The following TBCD variants were observed in gnomAD, a reference collection of about 807,000 sequenced individuals.
TBCD encodes the protein tubulin-specific chaperone D.
A neutral mutation model predicts 169.3 loss-of-function variants in TBCD; 105 were observed. That is an observed-to-expected ratio of 0.62 (90% CI 0.53 to 0.73). The LOEUF is 0.73. Among genes scored for constraint, TBCD ranks in the 30% least tolerant of loss-of-function variants. The probability of loss-of-function intolerance (pLI) is 0.00; values close to 1 mark genes in which losing one functional copy is unlikely to be tolerated. For synonymous variants in TBCD, 700 were observed against 643.9 expected, an observed-to-expected ratio of 1.09 and a Z score of -1.32; for missense variants, 1,444 against 1,600.1, an observed-to-expected ratio of 0.90 and a Z score of 1.66.
In TBCD at chr17:82,874,618, A is replaced by G. The variant is rs375903486; in HGVS notation, c.1475+4238A>G. ...CCGGCCTGGGTGTCAGGCTTGTCCA[A>G]CGGGTTCTTAGAGAACCTGGGCCCC... On this transcript the variant is annotated intron_variant, in intron 14 of 38. Coordinates refer to ENST00000355528, the MANE Select transcript of TBCD (RefSeq NM_005993.5). The surrounding 1 kb of genome is among the most constrained non-coding windows in gnomAD (Gnocchi z 5.0). 8.6e-4 allele frequency among the ~76,000 whole-genome samples: 131 copies of G among 152,230 alleles called. No individual in the cohort carries two copies. The highest frequency in any genetic ancestry group is 6.8e-3 in the Middle Eastern group (2 of 294).
intron 34 of TBCD, chr17:82,937,070 C>T (rs1425269103): frequency 3.5e-6 from 2 of 572,968 alleles, no homozygotes; most frequent in Non-Finnish European, 6.2e-6. Flanking sequence ...CAGGTGGTGG[C>T]ACAGCCGCTA....
chr17:82,783,019 G>A (rs1457793978), intron 7 of TBCD, among the ~76,000 whole-genome samples: 1 of 151,898 alleles, frequency 6.6e-6, no homozygotes, highest in Non-Finnish European at 1.5e-5. Context: ...CCTGTCTGTG[G>A]TATCATCTTC....
intron 20 of TBCD, among the ~76,000 whole-genome samples, chr17:82,907,233 C>T (rs573094212): frequency 3.9e-5 from 6 of 152,370 alleles, no homozygotes; most frequent in Admixed American, 1.3e-4. Flanking sequence ...GGTCTGATCT[C>T]GCCAGGGACC....
chr17:82,941,364 A>G (rs1246973189), intron 37 of TBCD, 35 bp from the exon 38 acceptor site: 5 of 1,529,348 alleles, frequency 3.3e-6, no homozygotes, highest in South Asian at 2.4e-5. Flanking sequence ...TCCGGTGGGC[A>G]CTCGAGAGAC....
rs187784119 is a variant in TBCD, at chr17:82,915,524, T to C, written c.2038+3735T>C. ...TCAGTGGCTCTTGCATTTCATGCTTTAGAATCAAAGGAAAGAAACAGGAAC... is the reference window on the plus strand; with the variant it reads ...TCAGTGGCTCTTGCATTTCATGCTTCAGAATCAAAGGAAAGAAACAGGAAC... On this transcript the variant is annotated intron_variant, in intron 23 of 38. Coordinates refer to ENST00000355528, the MANE Select transcript of TBCD (RefSeq NM_005993.5). This position sits in a 1 kb window ranked among gnomAD's most constrained non-coding sequence, Gnocchi z 4.3. Among the ~76,000 whole-genome samples the C allele has an allele frequency of 5.3e-5, 8 of 152,294 alleles. No homozygotes were observed. In the East Asian group the frequency reaches 1.5e-3, roughly 29 times the overall value.
At chr17:82,875,301 G>GA (rs1187932164) in intron 14 of TBCD, among the ~76,000 whole-genome samples, 1 of 152,204 alleles carries the variant, frequency 6.6e-6, no homozygotes, top group Non-Finnish European at 1.5e-5. Flanking sequence ...ATTTCCCTGA[G>GA]AAGCCAAGTG....
rs2049037683 is a variant in TBCD, at chr17:82,782,819, GTCCTGTCTGCGGTGGCGTCC to G, written c.771+1106_771+1125del. ...GCGTCGTCCTGTCTGCGGTGGCGTCGTCCTGTCTGCGGTGGCGTCCTCCTGTCCGCAGAGGCGTCCTCATG... is the reference window on the plus strand; with the variant it reads ...GCGTCGTCCTGTCTGCGGTGGCGTCGTCCTGTCCGCAGAGGCGTCCTCATG... On this transcript the variant is annotated intron_variant, in intron 7 of 38. Coordinates refer to ENST00000355528, the MANE Select transcript of TBCD (RefSeq NM_005993.5). This position sits in a 1 kb window ranked among gnomAD's most constrained non-coding sequence, Gnocchi z 5.1. 6.7e-6 allele frequency among the ~76,000 whole-genome samples: 1 copy of G among 149,276 alleles called. No homozygotes were observed. The highest frequency in any genetic ancestry group is 2.5e-5 in the African/African-American group (1 of 40,302).
rs2051287804 is a variant in TBCD at position 82,809,717 on chromosome 17, G to A, written c.1158G>A (p.Arg386=). 2 of 1,613,006 alleles carry A rather than the reference G, an allele frequency of 1.2e-6. No individual in the cohort carries two copies. Among genetic ancestry groups the A allele is most frequent in the African/African-American group, 1.3e-5 (1 of 74,878 alleles). The change falls in exon 12 of 39, where the codon AGG becomes AGA. Residue 386 remains arginine (R), a synonymous_variant. Transcript: ENST00000355528. ...VRWSAAKGIG[R]MAGRLPRALA... ...TGCGTTTCTCTTTCAGCATCGGTAG[G>A]ATGGCTGGCAGGCTTCCCAGAGCCC...
rs140539871 is a variant in TBCD at position 82,764,084 on chromosome 17, A to G, written c.333+22A>G. 15 of 1,560,418 alleles carry G rather than the reference A, an allele frequency of 9.6e-6. No homozygotes were observed. The Admixed American group carries it at 2.6e-4, about 27-fold the overall frequency. On this transcript the variant is annotated intron_variant, in intron 3 of 38. Transcript: ENST00000355528. Reference sequence around the variant, plus strand: ...CAAGGTAACATTTCCATAGCACTTCAGAGTTGACAGATACTTTTGTAATAT... The same window carrying G: ...CAAGGTAACATTTCCATAGCACTTCGGAGTTGACAGATACTTTTGTAATAT...
Position 82,923,075 on chromosome 17 carries a change from C to G in TBCD, c.2179-577C>G, listed in dbSNP as rs1161419346. 6.6e-6 allele frequency among the ~76,000 whole-genome samples: 1 copy of G among 152,236 alleles called. No homozygotes were observed. The highest frequency in any genetic ancestry group is 1.5e-5 in the Non-Finnish European group (1 of 68,048). On this transcript the variant is annotated intron_variant, in intron 25 of 38. Transcript: ENST00000355528. This position sits in a 1 kb window ranked among gnomAD's most constrained non-coding sequence, Gnocchi z 4.6. ...CCCAACTCCTGTTCCCAGTGCGCCC[C>G]CGGAGCCCTGTCTCTCTAAATGAGG... is the stretch of plus-strand genomic sequence containing the variant.
intron 9 of TBCD, among the ~76,000 whole-genome samples, chr17:82,805,076 C>T (rs965829140): frequency 1.2e-4 from 19 of 152,374 alleles, no homozygotes; most frequent in African/African-American, 3.8e-4. Flanking sequence ...CACAGCCAGG[C>T]GGCCCGCCCT....
Position 82,800,823 on chromosome 17 carries a change from C to T in TBCD, c.818-41C>T, listed in dbSNP as rs752175617. ...ACACAGGTGGTGCAGTCAGAAGATG[C>T]CTGCAGCCCTTCCTGCGCTGAGTCC... On this transcript the variant is annotated intron_variant, in intron 8 of 38. Transcript: ENST00000355528. 9 of 1,581,250 alleles carry T rather than the reference C, an allele frequency of 5.7e-6. No individual in the cohort carries two copies. In the Admixed American group the frequency reaches 1.1e-4, roughly 19 times the overall value.
chr17:82,926,325 C>A, intron 27 of TBCD, 75 bp from the exon 28 acceptor site: 1 of 1,436,046 alleles, frequency 7.0e-7, no homozygotes, highest in Non-Finnish European at 9.7e-7. Context: ...GGCTCCGGGC[C>A]AACATTGCCA....
At position 82,923,739 on chromosome 17, in the gene TBCD, T is replaced by C. The variant is rs1321917099; in HGVS notation, c.2260+6T>C. ...GGCAGATCCCGCAATTCAGGGTGAG[T>C]GGGGAGCCCTTTTCTTGAAGACTCC... is the stretch of plus-strand genomic sequence containing the variant. On this transcript the variant is annotated splice_donor_region_variant and intron_variant, in intron 26 of 38. Transcript: ENST00000355528. This position sits in a 1 kb window ranked among gnomAD's most constrained non-coding sequence, Gnocchi z 4.6. The C allele has an allele frequency of 6.3e-7, 1 of 1,591,880 alleles. No individual in the cohort carries two copies. The highest frequency in any genetic ancestry group is 1.1e-5 in the South Asian group (1 of 87,570).
intron 6 of TBCD, among the ~76,000 whole-genome samples, chr17:82,779,028 A>G (rs1252072510): frequency 8.8e-6 from 1 of 113,952 alleles, no homozygotes; most frequent in African/African-American, 3.8e-5. Flanking sequence ...TTATTTATTT[A>G]TTTTTACGGG....
At chr17:82,826,233 T>TTC (rs577914644) in intron 13 of TBCD, among the ~76,000 whole-genome samples, 1 of 151,696 alleles carries the variant, frequency 6.6e-6, no homozygotes, top group African/African-American at 2.4e-5. Flanking sequence ...CTTTTTTTTT[T>TTC]ATTATTTTTT....
intron 13 of TBCD, among the ~76,000 whole-genome samples, chr17:82,836,264 G>T (rs1011197776): frequency 1.3e-5 from 2 of 152,226 alleles, no homozygotes; most frequent in African/African-American, 4.8e-5. Flanking sequence ...GGCCTGTGCC[G>T]GCATGCCTCG....
chr17:82,846,696 G>T (rs1043294656), intron 13 of TBCD, among the ~76,000 whole-genome samples: 3 of 152,180 alleles, frequency 2.0e-5, no homozygotes, highest in Non-Finnish European at 2.9e-5. Flanking sequence ...CGTCACCTCG[G>T]AGCAGCAGCC....
At chr17:82,783,459 A>G (rs2049087826) in intron 7 of TBCD, among the ~76,000 whole-genome samples, 1 of 152,250 alleles carries the variant, frequency 6.6e-6, no homozygotes, top group African/African-American at 2.4e-5. Flanking sequence ...ATCTAACTTC[A>G]GGACACTGTC....
Sources: gnomAD v4.1 joint callset for allele counts (sites outside exome capture counted in the v4.1 genomes callset) on GRCh38, gnomAD v4.1.1 for gene constraint, Gnocchi (gnomAD v3.1) non-coding constraint, MANE v1.5 for transcripts, NCBI Gene and HGNC (gene_info 2026-07-23, HGNC 2026-07-21) for gene names.